Variants in MACROD1 observed in about 807,000 individuals in gnomAD.
MACROD1 encodes ADP-ribose glycohydrolase MACROD1.
MACROD1 carries 31 observed loss-of-function variants against 41.4 expected under a neutral mutation model. That is an observed-to-expected ratio of 0.75 (90% CI 0.56 to 1.01). MACROD1 has a LOEUF of 1.01. Among genes scored for constraint, MACROD1 ranks in the 50% least tolerant of loss-of-function variants. MACROD1 has a pLI of 0.00. For missense variants in MACROD1, 473 were observed against 460.0 expected (o/e 1.03, Z -0.26); for synonymous variants, 252 against 203.4 (o/e 1.24, Z -2.03).
At chr11:64,153,412 G>A (rs1819594310) in intron 1 of MACROD1, among the ~76,000 whole-genome samples, 1 of 152,194 alleles carries the variant, frequency 6.6e-6, no homozygotes, top group African/African-American at 2.4e-5. Flanking sequence ...ATTAGAGGAG[G>A]TGGTGAGAAA....
At chr11:64,149,063 AC>A in intron 3 of MACROD1, 1 of 982,540 alleles carries the variant, frequency 1.0e-6, no homozygotes, top group Non-Finnish European at 1.2e-6. Flanking sequence ...AGGAGAACAC[AC>A]CAAGAGGTGT....
At chr11:64,142,635 C>T (rs1243812197) in intron 3 of MACROD1, among the ~76,000 whole-genome samples, 1 of 152,182 alleles carries the variant, frequency 6.6e-6, no homozygotes, top group Non-Finnish European at 1.5e-5. Flanking sequence ...ATTTATGTAA[C>T]CACTGCCCGA....
chr11:64,118,596 T>G (rs1199309822), intron 3 of MACROD1: 2 of 119,520 alleles, frequency 1.7e-5, no homozygotes, highest in Non-Finnish European at 3.9e-5. Flanking sequence ...TGGGTTGGGT[T>G]TTTTTTTTTT....
rs1008770742 is a variant in MACROD1, at chr11:64,090,331, G to A, written c.517+60908C>T. ...ATAGTCAGCAGTTATTTATCGTCTC[G>A]TTTCTTAGTGGGTAGGAAAGCCACA... is the stretch of plus-strand genomic sequence containing the variant. On this transcript the variant is annotated intron_variant, in intron 3 of 10. Transcript: ENST00000255681. This position sits in a 1 kb window ranked among gnomAD's most constrained non-coding sequence, Gnocchi z 4.7. 6.6e-6 allele frequency among the ~76,000 whole-genome samples: 1 copy of A among 152,200 alleles called. No individual in the cohort carries two copies. The highest frequency in any genetic ancestry group is 2.4e-5 in the African/African-American group (1 of 41,442).
chr11:64,074,424 C>T (rs140602030), intron 3 of MACROD1, among the ~76,000 whole-genome samples: 2 of 152,308 alleles, frequency 1.3e-5, no homozygotes, highest in African/African-American at 4.8e-5. Context: ...TGTGGTCCAC[C>T]CACAGGATCC....
intron 3 of MACROD1, among the ~76,000 whole-genome samples, chr11:64,032,103 C>T (rs1943303324): frequency 6.6e-6 from 1 of 152,164 alleles, no homozygotes; most frequent in Non-Finnish European, 1.5e-5. Flanking sequence ...CTGATGATGA[C>T]CACAGACCCC....
intron 3 of MACROD1, among the ~76,000 whole-genome samples, chr11:64,085,416 G>C (rs1331393305): frequency 6.6e-6 from 1 of 152,356 alleles, no homozygotes; most frequent in African/African-American, 2.4e-5. Context: ...GACGGAGGGC[G>C]GGGGAGACTG....
At chr11:64,035,577 T>G (rs1362188076) in intron 3 of MACROD1, among the ~76,000 whole-genome samples, 1 of 40,414 alleles carries the variant, frequency 2.5e-5, no homozygotes, top group Non-Finnish European at 5.4e-5. Flanking sequence ...CCACCCGCCC[T>G]TCCCCCAGCC....
intron 1 of MACROD1, among the ~76,000 whole-genome samples, chr11:64,159,805 A>T (rs899250590): frequency 1.2e-4 from 19 of 152,204 alleles, no homozygotes; most frequent in Non-Finnish European, 2.5e-4. Flanking sequence ...AAAAAAAATT[A>T]AAAAAACAAA....
At chr11:64,017,075 T>G (rs980330449) in intron 3 of MACROD1, among the ~76,000 whole-genome samples, 2 of 152,312 alleles carry the variant, frequency 1.3e-5, no homozygotes, top group Admixed American at 1.3e-4. Context: ...GTTCAAGTGA[T>G]TCTCCTGCCT....
intron 3 of MACROD1, among the ~76,000 whole-genome samples, chr11:64,088,520 G>A (rs963329982): frequency 6.6e-5 from 10 of 152,182 alleles, no homozygotes; most frequent in Non-Finnish European, 1.3e-4. Context: ...GACGGCAGAG[G>A]CTGACTCTCC....
intron 3 of MACROD1, chr11:64,117,945 G>A: frequency 6.2e-7 from 1 of 1,613,794 alleles, no homozygotes; most frequent in East Asian, 2.2e-5. Context: ...CATCGGCGGG[G>A]CAGTGGCTCT....
chr11:64,116,244 G>T (rs531921077), intron 3 of MACROD1: 5 of 1,581,198 alleles, frequency 3.2e-6, no homozygotes, highest in South Asian at 2.3e-5. Context: ...GCCAGGTGGG[G>T]CCGGACGCCC....
intron 3 of MACROD1, among the ~76,000 whole-genome samples, chr11:64,056,821 C>T (rs1030398334): frequency 6.6e-6 from 1 of 152,104 alleles, no homozygotes; most frequent in Non-Finnish European, 1.5e-5. Context: ...AAGGCCTGTC[C>T]CACCCCCTGG....
intron 3 of MACROD1, among the ~76,000 whole-genome samples, chr11:64,074,479 T>A (rs1489249479): frequency 2.0e-5 from 3 of 152,204 alleles, no homozygotes; most frequent in Admixed American, 1.3e-4. Flanking sequence ...CCTGTCATGT[T>A]ATAGATGAGG....
intron 3 of MACROD1, chr11:64,117,128 C>T (rs747734134): frequency 6.2e-7 from 1 of 1,612,236 alleles, no homozygotes; most frequent in Non-Finnish European, 8.5e-7. Flanking sequence ...ACATCCCCTA[C>T]AACACGCTGG....
At chr11:64,117,043 C>A (rs776773158) in intron 3 of MACROD1, 1 of 1,606,674 alleles carries the variant, frequency 6.2e-7, no homozygotes, top group South Asian at 1.1e-5. Flanking sequence ...GTGCGCAATT[C>A]GCTGGCCGCG....
At chr11:64,008,838 C>T (rs912411846) in intron 4 of MACROD1, among the ~76,000 whole-genome samples, 2 of 152,142 alleles carry the variant, frequency 1.3e-5, no homozygotes, top group African/African-American at 2.4e-5. Context: ...TCCTCTCCTG[C>T]CCGCCTGCCA....
intron 3 of MACROD1, among the ~76,000 whole-genome samples, chr11:64,127,468 C>T (rs1945203356): frequency 6.6e-6 from 1 of 152,168 alleles, no homozygotes; most frequent in African/African-American, 2.4e-5. Context: ...GGGCCTTGCC[C>T]CCGAGGGTCA....
Sources: allele counts gnomAD v4.1 joint callset (sites outside exome capture counted in the v4.1 genomes callset), GRCh38; gene constraint gnomAD v4.1.1; non-coding constraint Gnocchi (gnomAD v3.1); transcripts MANE v1.5; gene names NCBI Gene and HGNC (gene_info 2026-07-23, HGNC 2026-07-21).